The following ADAMTS3 variants were observed in gnomAD, a reference collection of about 807,000 sequenced individuals.
ADAMTS3 encodes ADAM metallopeptidase with thrombospondin type 1 motif 3, also known as A disintegrin and metalloproteinase with thrombospondin motifs 3.
In ADAMTS3, 73 loss-of-function variants were observed where a neutral mutation model predicts 129.0. The ratio of observed to expected loss-of-function variants is 0.57; its 90% CI spans 0.47 to 0.69. ADAMTS3 has a LOEUF of 0.69. Ranked by LOEUF, ADAMTS3 falls within the 30% of genes least tolerant of loss-of-function variation. The probability of loss-of-function intolerance (pLI) is 0.00; values close to 1 mark genes in which losing one functional copy is unlikely to be tolerated. For missense variants in ADAMTS3, 1,457 were observed against 1,514.5 expected (o/e 0.96, Z 0.63); for synonymous variants, 477 against 510.8 (o/e 0.93, Z 0.89).
At chr4:72,423,873 T>C (rs1353249979) in intron 3 of ADAMTS3, among the ~76,000 whole-genome samples, 1 of 152,092 alleles carries the variant, frequency 6.6e-6, no homozygotes, top group Non-Finnish European at 1.5e-5. Context: ...ACAGAGTATA[T>C]AAAGAATAAC....
intron 3 of ADAMTS3, among the ~76,000 whole-genome samples, chr4:72,425,348 T>A (rs973197854): frequency 5.8e-4 from 89 of 152,244 alleles, no homozygotes; most frequent in Middle Eastern, 3.4e-3. Context: ...TTCTTTTTTT[T>A]TATACTTTAC....
intron 4 of ADAMTS3, among the ~76,000 whole-genome samples, chr4:72,341,995 C>A (rs1720150441): frequency 6.6e-6 from 1 of 152,142 alleles, no homozygotes; most frequent in Admixed American, 6.5e-5. Context: ...ACAGACTGCT[C>A]TGAGGCTGTG....
chr4:72,415,714 A>G (rs1368149755), intron 3 of ADAMTS3, among the ~76,000 whole-genome samples: 1 of 151,716 alleles, frequency 6.6e-6, no homozygotes, highest in Non-Finnish European at 1.5e-5. Flanking sequence ...TCATCTTTTA[A>G]TTATTCAGAA....
At chr4:72,366,003 G>A (rs899728223) in intron 4 of ADAMTS3, among the ~76,000 whole-genome samples, 1 of 152,160 alleles carries the variant, frequency 6.6e-6, no homozygotes, top group African/African-American at 2.4e-5. Flanking sequence ...TGGACACTGG[G>A]TCCATGAAAT....
intron 3 of ADAMTS3, among the ~76,000 whole-genome samples, chr4:72,529,581 A>C (rs992124995): frequency 6.9e-5 from 10 of 145,262 alleles, no homozygotes; most frequent in African/African-American, 2.3e-4. Context: ...ATATACACAT[A>C]TATCAAGATG....
intron 2 of ADAMTS3, among the ~76,000 whole-genome samples, chr4:72,565,167 T>C (rs905450643): frequency 1.3e-5 from 2 of 152,232 alleles, no homozygotes; most frequent in Admixed American, 1.3e-4. Flanking sequence ...TTGTGGTTTA[T>C]TACTCATTTA....
chr4:72,469,726 C>G (rs1719014015), intron 3 of ADAMTS3, among the ~76,000 whole-genome samples: 1 of 152,096 alleles, frequency 6.6e-6, no homozygotes, highest in Non-Finnish European at 1.5e-5. Context: ...GCCTCCTCTC[C>G]CTTAGCCTAT....
At chr4:72,336,711 G>A (rs1481578451) in intron 5 of ADAMTS3, among the ~76,000 whole-genome samples, 1 of 152,060 alleles carries the variant, frequency 6.6e-6, no homozygotes, top group African/African-American at 2.4e-5. Flanking sequence ...TTAGAACAAG[G>A]TTTCTAAATC....
intron 2 of ADAMTS3, among the ~76,000 whole-genome samples, chr4:72,562,070 T>C (rs888236127): frequency 3.9e-5 from 6 of 152,206 alleles, no homozygotes; most frequent in African/African-American, 9.7e-5. Context: ...AGATGAGTCT[T>C]CTCGCAGTAC....
intron 4 of ADAMTS3, among the ~76,000 whole-genome samples, chr4:72,410,004 T>C (rs574585728): frequency 3.3e-5 from 5 of 152,180 alleles, no homozygotes; most frequent in Non-Finnish European, 7.3e-5. Flanking sequence ...AATTTAGTAA[T>C]ATTATGTTCC....
At chr4:72,381,966 C>A (rs1721300672) in intron 4 of ADAMTS3, among the ~76,000 whole-genome samples, 1 of 152,144 alleles carries the variant, frequency 6.6e-6, no homozygotes, top group African/African-American at 2.4e-5. Context: ...AGATTCCCTG[C>A]AGAAGAGGTT....
chr4:72,452,691 A>G (rs1384533523), intron 3 of ADAMTS3, among the ~76,000 whole-genome samples: 1 of 151,798 alleles, frequency 6.6e-6, no homozygotes, highest in African/African-American at 2.4e-5. Flanking sequence ...GATTTCGTGC[A>G]TCAGGGATTC....
At chr4:72,305,397 A>G (rs1376338886) in intron 16 of ADAMTS3, among the ~76,000 whole-genome samples, 1 of 152,060 alleles carries the variant, frequency 6.6e-6, no homozygotes, top group East Asian at 1.9e-4. Context: ...AAAAATAAGG[A>G]TACGTACAGT....
chr4:72,281,414 GTATAA>G lies in ADAMTS3; in HGVS notation c.*1717_*1721del, dbSNP rs930787904. 5 of 152,536 alleles carry G rather than the reference GTATAA, an allele frequency of 3.3e-5. No homozygotes were observed. Among genetic ancestry groups the G allele is most frequent in the East Asian group, 1.9e-4 (1 of 5,194 alleles). 9.4% of individuals were successfully genotyped at this position (152,536 alleles called of 1,614,324 possible). ...GGTTAATTCATCTACATTTTAGTTT[GTATAA>G]TATATTTTTAGACAGCTCAGGTACT... On this transcript the variant is annotated 3_prime_UTR_variant, in exon 22 of 22. Coordinates refer to ENST00000286657, the MANE Select transcript of ADAMTS3 (RefSeq NM_014243.3).
chr4:72,566,695 C>T (rs560689576), intron 2 of ADAMTS3, among the ~76,000 whole-genome samples: 2 of 152,322 alleles, frequency 1.3e-5, no homozygotes, highest in South Asian at 4.1e-4. Flanking sequence ...ACAACAAATA[C>T]ATTATTCTAA....
chr4:72,567,142 T>G (rs186275736), intron 2 of ADAMTS3, among the ~76,000 whole-genome samples: 1 of 152,224 alleles, frequency 6.6e-6, no homozygotes, highest in African/African-American at 2.4e-5. Flanking sequence ...AGTAATAAAC[T>G]GATGCTTGAA....
At position 72,320,958 on chromosome 4, in the gene ADAMTS3, A is replaced by G. The variant is rs1463678665; in HGVS notation, c.946-88T>C. 1.3e-5 allele frequency: 17 copies of G among 1,356,132 alleles called. No individual in the cohort carries two copies. The East Asian group carries it at 3.0e-4, about 24-fold the overall frequency. 84.0% of individuals were successfully genotyped at this position (1,356,132 alleles called of 1,614,324 possible). On this transcript the variant is annotated intron_variant, in intron 6 of 21. Transcript: ENST00000286657. ...TTCCTCTGAAGCTGAATTTGGGATT[A>G]AAGTATTTAAACAATGATTCAATAA...
chr4:72,492,886 C>G (rs1377211057), intron 3 of ADAMTS3, among the ~76,000 whole-genome samples: 3 of 151,802 alleles, frequency 2.0e-5, no homozygotes, highest in African/African-American at 7.2e-5. Context: ...AAAACATTAT[C>G]TAAATATTTA....
At chr4:72,384,757 G>T (rs1721391248) in intron 4 of ADAMTS3, among the ~76,000 whole-genome samples, 3 of 152,042 alleles carry the variant, frequency 2.0e-5, no homozygotes, top group Admixed American at 2.0e-4. Flanking sequence ...CCAATATGTG[G>T]GTAAATATAA....
Sources: allele counts gnomAD v4.1 joint callset (sites outside exome capture counted in the v4.1 genomes callset), GRCh38; gene constraint gnomAD v4.1.1; transcripts MANE v1.5; gene names NCBI Gene and HGNC (gene_info 2026-07-23, HGNC 2026-07-21).